The following GAS7 variants were observed in gnomAD, a reference collection of about 807,000 sequenced individuals.
The protein encoded by GAS7 is growth arrest specific 7, also known as growth arrest-specific protein 7.
Under a neutral mutation model 71.1 loss-of-function variants are expected in GAS7, and 28 were observed. The ratio of observed to expected loss-of-function variants is 0.39; its 90% CI spans 0.29 to 0.54. GAS7 has a LOEUF of 0.54. Among genes scored for constraint, GAS7 ranks in the 20% least tolerant of loss-of-function variants. The pLI, the probability that GAS7 is intolerant of heterozygous loss-of-function variation, is 0.62. For missense variants in GAS7, 436 were observed against 627.8 expected, an observed-to-expected ratio of 0.69 and a Z score of 3.27; for synonymous variants, 258 against 245.8, an observed-to-expected ratio of 1.05 and a Z score of -0.46.
chr17:10,169,776 G>A (rs1000990696), intron 1 of GAS7, among the ~76,000 whole-genome samples: 9 of 151,942 alleles, frequency 5.9e-5, no homozygotes, highest in Non-Finnish European at 1.5e-5. Context: ...GACTATCTAC[G>A]CCATAACGAC....
chr17:9,958,313 A>C (rs560003165), intron 5 of GAS7, among the ~76,000 whole-genome samples: 29 of 152,358 alleles, frequency 1.9e-4, no homozygotes, highest in African/African-American at 6.7e-4. Flanking sequence ...GTGCATAATA[A>C]GTGCACACAA....
intron 3 of GAS7, among the ~76,000 whole-genome samples, chr17:9,975,534 C>G (rs939072029): frequency 6.6e-6 from 1 of 151,010 alleles, no homozygotes; most frequent in Non-Finnish European, 1.5e-5. Context: ...CTTTCTCACC[C>G]CCCCCTTTTT....
chr17:10,103,354 A>C lies in GAS7; in HGVS notation c.184-83457T>G, dbSNP rs745797162. Among the ~76,000 whole-genome samples the C allele has an allele frequency of 5.3e-5, 8 of 152,154 alleles. No homozygotes were observed. The highest frequency in any genetic ancestry group is 2.1e-4 in the South Asian group (1 of 4,828). On this transcript the variant is annotated intron_variant, in intron 1 of 13. Transcript: ENST00000432992. The surrounding 1 kb of genome is among the most constrained non-coding windows in gnomAD (Gnocchi z 5.5). ...GATAGGTTAAGACCCTGTCTCAAAC[A>C]AACCAACCAACCAACCCCCATGTAG...
intron 1 of GAS7, among the ~76,000 whole-genome samples, chr17:10,189,744 G>T (rs1393954493): frequency 5.9e-5 from 9 of 152,138 alleles, no homozygotes; most frequent in Non-Finnish European, 1.3e-4. Context: ...TTGGAGACCA[G>T]CCTGGCCAAC....
intron 1 of GAS7, among the ~76,000 whole-genome samples, chr17:10,096,231 CTA>C (rs2073639871): frequency 6.6e-6 from 1 of 152,176 alleles, no homozygotes; most frequent in Non-Finnish European, 1.5e-5. Flanking sequence ...TATATATTTT[CTA>C]TGTTATAGTC....
intron 1 of GAS7, among the ~76,000 whole-genome samples, chr17:10,140,971 A>G (rs6503288): frequency 0.34 from 52,223 of 152,178 alleles, 10,318 homozygotes; most frequent in African/African-American, 0.52. Context: ...AGGGGTCTCC[A>G]TCAATACTGC....
At chr17:10,139,705 C>T (rs140200255) in intron 1 of GAS7, among the ~76,000 whole-genome samples, 147 of 152,304 alleles carry the variant, frequency 9.7e-4, no homozygotes, top group African/African-American at 3.4e-3. Flanking sequence ...AATTCCTTTC[C>T]TTATACATTC....
intron 1 of GAS7, among the ~76,000 whole-genome samples, chr17:10,168,545 G>A (rs890420671): frequency 3.9e-5 from 6 of 152,178 alleles, no homozygotes; most frequent in African/African-American, 7.2e-5. Context: ...ACTGTGGACC[G>A]CTGGAGAGCC....
At position 9,913,410 on chromosome 17, in the gene GAS7, C is replaced by T. The variant is rs779638793; in HGVS notation, c.*3818G>A. 7.7e-5 allele frequency: 18 copies of T among 232,552 alleles called. No homozygotes were observed. Among genetic ancestry groups the T allele is most frequent in the Non-Finnish European group, 1.3e-4 (15 of 117,402 alleles). 14.4% of individuals were successfully genotyped at this position (232,552 alleles called of 1,614,324 possible). On this transcript the variant is annotated 3_prime_UTR_variant, in exon 14 of 14. Coordinates refer to ENST00000432992, the MANE Select transcript of GAS7 (RefSeq NM_201433.2). ...TAAAATCACCTAAACAAGCCAAGGT[C>T]GCTGATGTCCTTCGAATGTTATGGC...
chr17:9,925,329 G>T, intron 11 of GAS7, 147 bp downstream of exon 11: 1 of 774,550 alleles, frequency 1.3e-6, no homozygotes. Context: ...AGGGAAGAGG[G>T]GGTACCTCCT....
intron 9 of GAS7, among the ~76,000 whole-genome samples, chr17:9,932,078 GAC>G (rs1209225714): frequency 6.6e-6 from 1 of 152,144 alleles, no homozygotes; most frequent in African/African-American, 2.4e-5. Flanking sequence ...AAAGAAGGGA[GAC>G]TCAGCGTTTA....
chr17:10,002,870 T>C (rs1044071338), intron 2 of GAS7, among the ~76,000 whole-genome samples: 2 of 152,220 alleles, frequency 1.3e-5, no homozygotes, highest in Non-Finnish European at 2.9e-5. Flanking sequence ...ACAATAAACA[T>C]ACGTGTGCAT....
chr17:10,162,369 A>C (rs543799515), intron 1 of GAS7, among the ~76,000 whole-genome samples: 2 of 152,292 alleles, frequency 1.3e-5, no homozygotes, highest in Admixed American at 6.5e-5. Context: ...AATGGTGTGA[A>C]CCACTCCTGG....
At position 10,156,915 on chromosome 17, in the gene GAS7, T is replaced by C. The variant is rs534033364; in HGVS notation, c.183+41293A>G. ...AATCAAGATCCCCCTCCAGGCACCCTCAATAGTGGAGTTCAGACACAGCCA... is the reference window on the plus strand; with the variant it reads ...AATCAAGATCCCCCTCCAGGCACCCCCAATAGTGGAGTTCAGACACAGCCA... On this transcript the variant is annotated intron_variant, in intron 1 of 13. Transcript: ENST00000432992. 7.2e-5 allele frequency among the ~76,000 whole-genome samples: 11 copies of C among 151,972 alleles called. No individual in the cohort carries two copies. In the South Asian group the frequency reaches 1.0e-3, roughly 14 times the overall value.
chr17:10,198,005 T>A (rs1038475534), intron 1 of GAS7, among the ~76,000 whole-genome samples: 12 of 151,840 alleles, frequency 7.9e-5, no homozygotes, highest in Non-Finnish European at 1.0e-4. Context: ...TCCCCGCGAG[T>A]CCGCGTTGCC....
intron 1 of GAS7, among the ~76,000 whole-genome samples, chr17:10,051,322 G>A (rs547040031): frequency 3.9e-5 from 6 of 152,250 alleles, no homozygotes; most frequent in East Asian, 1.9e-4. Flanking sequence ...CCAACAGCAC[G>A]GCTAAACTCT....
At position 9,919,960 on chromosome 17, in the gene GAS7, G is replaced by C. The variant is rs901202869; in HGVS notation, c.1139-255C>G. On this transcript the variant is annotated intron_variant, in intron 11 of 13. Transcript: ENST00000432992. This position sits in a 1 kb window ranked among gnomAD's most constrained non-coding sequence, Gnocchi z 5.0. ...CAGATACCAAGGATTCAGGATGGTGGTTCTCATTTTGTGTGTGTGTGTGTG... is the reference window on the plus strand; with the variant it reads ...CAGATACCAAGGATTCAGGATGGTGCTTCTCATTTTGTGTGTGTGTGTGTG... Among the ~76,000 whole-genome samples, 1 of 139,900 alleles carries C rather than the reference G, an allele frequency of 7.1e-6. No individual in the cohort carries two copies. The highest frequency in any genetic ancestry group is 1.5e-5 in the Non-Finnish European group (1 of 64,864). 91.8% of individuals were successfully genotyped at this position (139,900 alleles called of 152,430 possible). A position where few individuals can be genotyped will look rare whatever the true frequency, so the allele number is the denominator to read the frequency against.
chr17:9,931,567 G>A (rs1321635244), intron 9 of GAS7, among the ~76,000 whole-genome samples: 2 of 152,220 alleles, frequency 1.3e-5, no homozygotes, highest in East Asian at 3.8e-4. Flanking sequence ...ACAGGGGAAG[G>A]GAGGCCTTGA....
chr17:10,025,586 A>G (rs1260647585), intron 1 of GAS7, among the ~76,000 whole-genome samples: 1 of 150,924 alleles, frequency 6.6e-6, no homozygotes, highest in Non-Finnish European at 1.5e-5. Flanking sequence ...CCTCCTTTAA[A>G]AAAAAAAAAA....
Sources: allele counts gnomAD v4.1 joint callset (sites outside exome capture counted in the v4.1 genomes callset), GRCh38; gene constraint gnomAD v4.1.1; non-coding constraint Gnocchi (gnomAD v3.1); transcripts MANE v1.5; gene names NCBI Gene and HGNC (gene_info 2026-07-23, HGNC 2026-07-21).